The following GPC6 variants were observed in gnomAD, a reference collection of about 807,000 sequenced individuals.
GPC6 encodes the protein glypican-6.
A neutral mutation model predicts 55.2 loss-of-function variants in GPC6; 14 were observed. That is an observed-to-expected ratio of 0.25 (90% confidence interval 0.17 to 0.40). The LOEUF is 0.40. Among genes scored for constraint, GPC6 ranks in the 10% least tolerant of loss-of-function variants. GPC6 has a pLI of 1.00. For missense variants in GPC6, 641 were observed against 708.5 expected (o/e 0.90, Z 1.08); for synonymous variants, 278 against 259.6 (o/e 1.07, Z -0.68).
intron 3 of GPC6, among the ~76,000 whole-genome samples, chr13:93,869,748 G>A (rs1222774365): frequency 6.6e-6 from 1 of 151,822 alleles, no homozygotes; most frequent in East Asian, 1.9e-4. Context: ...CTTAACTGAG[G>A]GGTATTTTCT....
At chr13:94,073,194 T>C (rs1884796171) in intron 4 of GPC6, among the ~76,000 whole-genome samples, 2 of 152,088 alleles carry the variant, frequency 1.3e-5, no homozygotes, top group Admixed American at 1.3e-4. Flanking sequence ...AGTTTAGTAA[T>C]GATTCTGAAG....
rs951067506 is a variant in GPC6, at chr13:93,602,618, A to G, written c.319+57197A>G. On this transcript the variant is annotated intron_variant, in intron 2 of 8. Transcript: ENST00000377047. ...TGAGATAGAAAGAATTGTAGAGAAT[A>G]CATCACCTTCTCTAGGAAACTTATT... 4.6e-5 allele frequency among the ~76,000 whole-genome samples: 7 copies of G among 152,240 alleles called. 1 individual carries two copies. The highest frequency in any genetic ancestry group is 1.7e-4 in the African/African-American group (7 of 41,464).
chr13:93,571,614 T>G (rs1176796912), intron 2 of GPC6, among the ~76,000 whole-genome samples: 1 of 152,204 alleles, frequency 6.6e-6, no homozygotes, highest in African/African-American at 2.4e-5. Context: ...TTTGATTTAA[T>G]GATGTGACTA....
intron 2 of GPC6, among the ~76,000 whole-genome samples, chr13:93,628,768 T>C (rs990093160): frequency 1.3e-5 from 2 of 152,186 alleles, no homozygotes. Context: ...TTTGTAGAAA[T>C]ATTTTAAATA....
chr13:93,736,173 A>G (rs1234059564), intron 2 of GPC6, among the ~76,000 whole-genome samples: 1 of 152,224 alleles, frequency 6.6e-6, no homozygotes, highest in Non-Finnish European at 1.5e-5. Flanking sequence ...CCAGACAGTC[A>G]CATGTTAAAT....
intron 1 of GPC6, among the ~76,000 whole-genome samples, chr13:93,459,439 T>C (rs1392714396): frequency 6.6e-6 from 1 of 152,174 alleles, no homozygotes; most frequent in Non-Finnish European, 1.5e-5. Context: ...GCATTTTTTC[T>C]GCTTATATTT....
At chr13:93,425,608 A>G (rs772674789) in intron 1 of GPC6, among the ~76,000 whole-genome samples, 14 of 152,212 alleles carry the variant, frequency 9.2e-5, no homozygotes, top group Admixed American at 4.6e-4. Context: ...AGCCAAGTCG[A>G]AATAGTGTAA....
chr13:93,548,802 A>G (rs894909576), intron 2 of GPC6, among the ~76,000 whole-genome samples: 1 of 152,188 alleles, frequency 6.6e-6, no homozygotes, highest in East Asian at 1.9e-4. Context: ...CATAATATCA[A>G]TTCCAGAAAT....
intron 3 of GPC6, among the ~76,000 whole-genome samples, chr13:93,934,352 T>C (rs1262369428): frequency 2.0e-5 from 3 of 152,238 alleles, no homozygotes; most frequent in Non-Finnish European, 4.4e-5. Context: ...TGATTACATA[T>C]TGAAATGATA....
At chr13:93,653,494 A>C (rs971291419) in intron 2 of GPC6, among the ~76,000 whole-genome samples, 19 of 152,048 alleles carry the variant, frequency 1.2e-4, no homozygotes, top group African/African-American at 4.6e-4. Flanking sequence ...CCTTCTTCAT[A>C]ACATAAGCAT....
At chr13:93,383,440 C>G (rs145274303) in intron 1 of GPC6, among the ~76,000 whole-genome samples, 1 of 152,126 alleles carries the variant, frequency 6.6e-6, no homozygotes, top group South Asian at 2.1e-4. Flanking sequence ...TGGTCTGGAA[C>G]TCCTGGCCTC....
Position 93,536,356 on chromosome 13 carries a change from C to A in GPC6, c.161-8907C>A, listed in dbSNP as rs139712400. Among the ~76,000 whole-genome samples, 261 of 152,220 alleles carry A rather than the reference C, an allele frequency of 1.7e-3. 1 individual carries two copies. Among genetic ancestry groups the A allele is most frequent in the African/African-American group, 6.1e-3 (254 of 41,532 alleles). Reference sequence around the variant, plus strand: ...CTCTAGAACTTTTTCATCTTCCCAGCCTGAAATTCTATAATCGTTTAACAG... The same window carrying A: ...CTCTAGAACTTTTTCATCTTCCCAGACTGAAATTCTATAATCGTTTAACAG... On this transcript the variant is annotated intron_variant, in intron 1 of 8. Coordinates refer to ENST00000377047, the MANE Select transcript of GPC6 (RefSeq NM_005708.5).
At chr13:93,807,818 T>C (rs1886584215) in intron 2 of GPC6, among the ~76,000 whole-genome samples, 1 of 152,204 alleles carries the variant, frequency 6.6e-6, no homozygotes, top group South Asian at 2.1e-4. Flanking sequence ...TTACAAAAGG[T>C]TATATACTTG....
At chr13:94,231,556 A>G (rs550872258) in intron 4 of GPC6, among the ~76,000 whole-genome samples, 2 of 152,346 alleles carry the variant, frequency 1.3e-5, no homozygotes, top group African/African-American at 4.8e-5. Flanking sequence ...GTTATTAAAA[A>G]TCAATGCTAA....
chr13:94,078,618 C>T (rs1273240023), intron 4 of GPC6, among the ~76,000 whole-genome samples: 3 of 151,818 alleles, frequency 2.0e-5, no homozygotes, highest in Non-Finnish European at 4.4e-5. Flanking sequence ...TGAACAATTA[C>T]ACACCAACAA....
intron 3 of GPC6, among the ~76,000 whole-genome samples, chr13:93,884,075 A>G (rs1437688083): frequency 6.6e-6 from 1 of 152,144 alleles, no homozygotes; most frequent in African/African-American, 2.4e-5. Flanking sequence ...TACTCAATAA[A>G]TGTTTTTCAT....
At chr13:93,228,982 T>G (rs1022860968) in intron 1 of GPC6, among the ~76,000 whole-genome samples, 3 of 152,196 alleles carry the variant, frequency 2.0e-5, no homozygotes, top group African/African-American at 7.2e-5. Context: ...AGGCGCAAAT[T>G]ACCACGCTCA....
intron 3 of GPC6, among the ~76,000 whole-genome samples, chr13:93,989,418 C>T (rs1881187990): frequency 6.6e-6 from 1 of 152,202 alleles, no homozygotes; most frequent in African/African-American, 2.4e-5. Context: ...CACCGCTGCT[C>T]ACCTGCTGGT....
At chr13:93,677,817 A>G (rs1034690050) in intron 2 of GPC6, among the ~76,000 whole-genome samples, 8 of 152,190 alleles carry the variant, frequency 5.3e-5, no homozygotes, top group African/African-American at 1.9e-4. Flanking sequence ...TCTATAAAGC[A>G]TATCAACTTG....
Sources: allele counts gnomAD v4.1 joint callset (sites outside exome capture counted in the v4.1 genomes callset), GRCh38; gene constraint gnomAD v4.1.1; transcripts MANE v1.5; gene names NCBI Gene and HGNC (gene_info 2026-07-23, HGNC 2026-07-21).